ANKRD6: variants seen among roughly 807,000 people sequenced by gnomAD.
The protein encoded by ANKRD6 is ankyrin repeat domain-containing protein 6.
In ANKRD6, 56 loss-of-function variants were observed where a neutral mutation model predicts 82.3. That is an observed-to-expected ratio of 0.68 (90% CI 0.55 to 0.85). ANKRD6 has a LOEUF of 0.85. ANKRD6 is among the 40% of genes least tolerant of loss of function. ANKRD6 has a pLI of 0.00. For missense variants in ANKRD6, 852 were observed against 907.6 expected (o/e 0.94, Z 0.79); for synonymous variants, 347 against 352.1 (o/e 0.99, Z 0.16).
At chr6:89,586,383 G>A (rs1054812189) in intron 2 of ANKRD6, among the ~76,000 whole-genome samples, 14 of 152,236 alleles carry the variant, frequency 9.2e-5, no homozygotes, top group African/African-American at 3.1e-4. Flanking sequence ...CTCTGTCAGC[G>A]TCAACCCATT....
At chr6:89,551,103 CT>C (rs796629095) in intron 1 of ANKRD6, among the ~76,000 whole-genome samples, 2 of 152,084 alleles carry the variant, frequency 1.3e-5, no homozygotes, top group East Asian at 3.8e-4. Flanking sequence ...GAGAGAATCC[CT>C]TTGTTAATTC....
chr6:89,527,695 A>G (rs1356642966), intron 1 of ANKRD6, among the ~76,000 whole-genome samples: 5 of 152,000 alleles, frequency 3.3e-5, no homozygotes, highest in Admixed American at 2.6e-4. Context: ...GTGAATTGCA[A>G]TCTTTTTGCT....
chr6:89,549,522 C>T (rs994921324), intron 1 of ANKRD6, among the ~76,000 whole-genome samples: 1 of 152,118 alleles, frequency 6.6e-6, no homozygotes, highest in African/African-American at 2.4e-5. Context: ...GATCTCTGTT[C>T]ATTATGAGTT....
intron 1 of ANKRD6, among the ~76,000 whole-genome samples, chr6:89,484,913 G>T (rs1777194912): frequency 6.6e-6 from 1 of 152,200 alleles, no homozygotes; most frequent in African/African-American, 2.4e-5. Flanking sequence ...TCTATCTCTA[G>T]CTACCTAGGT....
At chr6:89,617,029 A>C (rs1801750399) in intron 8 of ANKRD6, 2 of 434,620 alleles carry the variant, frequency 4.6e-6, no homozygotes, top group Non-Finnish European at 9.2e-6. Context: ...GTCAGCTTCA[A>C]AATTCTAAAG....
In ANKRD6 at chr6:89,632,149, A is replaced by G. The variant is rs1186948668; in HGVS notation, c.*1145A>G. The G allele has an allele frequency of 6.6e-6, 1 of 152,258 alleles. No homozygotes were observed. The highest frequency in any genetic ancestry group is 2.4e-5 in the African/African-American group (1 of 41,468). 9.4% of individuals were successfully genotyped at this position (152,258 alleles called of 1,614,324 possible). A position where few individuals can be genotyped will look rare whatever the true frequency, so the allele number is the denominator to read the frequency against. On this transcript the variant is annotated 3_prime_UTR_variant, in exon 16 of 16. Transcript: ENST00000339746. ...TCTCCTCAATATCCCATGTATGCAC[A>G]GAAACTTCAGTTCTATTTCTATAGA...
In ANKRD6 at chr6:89,566,927, G is replaced by A. The variant is rs1583324141; in HGVS notation, c.-50G>A. ...GGCCGGGCCAGTGACTTCGTGTTGA[G>A]CTGAAGGAACTTGTCTACCGCTTCC... On this transcript the variant is annotated 5_prime_UTR_variant, in exon 2 of 16. Coordinates refer to ENST00000339746, the MANE Select transcript of ANKRD6 (RefSeq NM_001242809.2). 1.2e-5 allele frequency: 18 copies of A among 1,550,542 alleles called. No individual in the cohort carries two copies. The East Asian group carries it at 4.1e-4, about 36-fold the overall frequency.
In ANKRD6 at chr6:89,632,961, A is replaced by G. The variant is rs1433517796; in HGVS notation, c.*1957A>G. On this transcript the variant is annotated 3_prime_UTR_variant, in exon 16 of 16. Transcript: ENST00000339746. ...ATTTTCACTTACCAAAATATCTCCT[A>G]TTACCTCAAGGTATCCTTGTTGAGG... The G allele has an allele frequency of 2.0e-5, 3 of 152,240 alleles. No homozygotes were observed. Among genetic ancestry groups the G allele is most frequent in the African/African-American group, 7.2e-5 (3 of 41,464 alleles). The allele number at this position is 152,240 out of a possible 1,614,324, so 9.4% of individuals were successfully genotyped here.
At chr6:89,480,819 G>A (rs928802941) in intron 1 of ANKRD6, among the ~76,000 whole-genome samples, 3 of 149,012 alleles carry the variant, frequency 2.0e-5, no homozygotes, top group African/African-American at 7.4e-5. Context: ...GTGCATGCCT[G>A]TAGTTTCAGC....
intron 9 of ANKRD6, chr6:89,621,450 T>C (rs913570422): frequency 6.0e-6 from 1 of 167,488 alleles, no homozygotes; most frequent in Non-Finnish European, 1.3e-5. Context: ...TTGAATCAAA[T>C]TGATGTGACT....
In ANKRD6 at chr6:89,531,709, C is replaced by A. The variant is rs1013430739; in HGVS notation, c.-143-35125C>A. Among the ~76,000 whole-genome samples the A allele has an allele frequency of 2.6e-5, 4 of 152,376 alleles. No individual in the cohort carries two copies. The South Asian group carries it at 8.3e-4, about 32-fold the overall frequency. On this transcript the variant is annotated intron_variant, in intron 1 of 15. Coordinates refer to ENST00000339746, the MANE Select transcript of ANKRD6 (RefSeq NM_001242809.2). ...CTTTGATCTTATATCCCATGACTTA[C>A]CTGCCAGTATCATCGGACCTTTGGG...
At position 89,612,373 on chromosome 6, in the gene ANKRD6, G is replaced by A. The variant is rs1324228666; in HGVS notation, c.516+3G>A. On this transcript the variant is annotated splice_donor_region_variant and intron_variant, in intron 6 of 15. Coordinates refer to ENST00000339746, the MANE Select transcript of ANKRD6 (RefSeq NM_001242809.2). Reference sequence around the variant, plus strand: ...CCCGCGCTGACCTCAAAAATAATGTGGGTGAACAAAACCAGATTCTCACGT... The same window carrying A: ...CCCGCGCTGACCTCAAAAATAATGTAGGTGAACAAAACCAGATTCTCACGT... 3 of 1,548,390 alleles carry A rather than the reference G, an allele frequency of 1.9e-6. No individual in the cohort carries two copies. The highest frequency in any genetic ancestry group is 1.2e-5 in the South Asian group (1 of 83,866).
chr6:89,476,181 GT>G (rs1262735173), intron 1 of ANKRD6, among the ~76,000 whole-genome samples: 1 of 151,546 alleles, frequency 6.6e-6, no homozygotes, highest in African/African-American at 2.4e-5. Flanking sequence ...TTGTTTTTTT[GT>G]TTTGTTTTGT....
intron 1 of ANKRD6, among the ~76,000 whole-genome samples, chr6:89,460,370 GTAAC>G (rs1773978285): frequency 6.6e-6 from 1 of 151,924 alleles, no homozygotes. Context: ...ACTTAGATAA[GTAAC>G]TATTAAAATT....
intron 1 of ANKRD6, among the ~76,000 whole-genome samples, chr6:89,537,751 T>C (rs990272421): frequency 6.6e-6 from 1 of 151,526 alleles, no homozygotes; most frequent in African/African-American, 2.4e-5. Flanking sequence ...GAAAAATTAG[T>C]TGGGCATAAT....
chr6:89,449,832 A>G (rs185916022), intron 1 of ANKRD6, among the ~76,000 whole-genome samples: 1 of 152,294 alleles, frequency 6.6e-6, no homozygotes, highest in Admixed American at 6.5e-5. Flanking sequence ...AAAATTTAAC[A>G]TATTTGGAGA....
chr6:89,442,989 C>T (rs897932134), intron 1 of ANKRD6, among the ~76,000 whole-genome samples: 6 of 152,146 alleles, frequency 3.9e-5, no homozygotes, highest in Non-Finnish European at 7.3e-5. Flanking sequence ...TTTCCCCCCA[C>T]AAAAGATGGC....
intron 9 of ANKRD6, among the ~76,000 whole-genome samples, chr6:89,619,043 TTTTG>T (rs1396164341): frequency 2.0e-5 from 3 of 152,170 alleles, no homozygotes; most frequent in Non-Finnish European, 4.4e-5. Context: ...ATGGCCTTTA[TTTTG>T]TTTAAGTTTT....
intron 1 of ANKRD6, among the ~76,000 whole-genome samples, chr6:89,484,836 A>G (rs1463013232): frequency 1.3e-5 from 2 of 152,224 alleles, no homozygotes; most frequent in Admixed American, 1.3e-4. Context: ...TTTTGCTCTA[A>G]TGAACTTAAT....
Sources: allele counts gnomAD v4.1 joint callset (sites outside exome capture counted in the v4.1 genomes callset), GRCh38; gene constraint gnomAD v4.1.1; transcripts MANE v1.5; gene names NCBI Gene and HGNC (gene_info 2026-07-23, HGNC 2026-07-21).